FNTB: variants seen among roughly 807,000 people sequenced by gnomAD.
FNTB encodes protein farnesyltransferase subunit beta.
FNTB carries 27 observed loss-of-function variants against 59.4 expected under a neutral mutation model. The observed-to-expected ratio is 0.45, with a 90% CI of 0.34 to 0.63. The LOEUF (loss-of-function observed/expected upper bound fraction) is 0.63. Ranked by LOEUF, FNTB falls within the 20% of genes least tolerant of loss-of-function variation. The probability of loss-of-function intolerance (pLI) is 0.02; values close to 1 mark genes in which losing one functional copy is unlikely to be tolerated. For missense variants in FNTB, 449 were observed against 559.6 expected, an observed-to-expected ratio of 0.80 and a Z score of 1.99; for synonymous variants, 230 against 220.7, an observed-to-expected ratio of 1.04 and a Z score of -0.37.
In FNTB at chr14:64,991,183, G is replaced by A. The variant is rs1370999220; in HGVS notation, c.144+4086G>A. 2.0e-5 allele frequency among the ~76,000 whole-genome samples: 3 copies of A among 151,626 alleles called. No individual in the cohort carries two copies. Among genetic ancestry groups the A allele is most frequent in the African/African-American group, 4.9e-5 (2 of 40,896 alleles). On this transcript the variant is annotated intron_variant, in intron 1 of 11. Coordinates refer to ENST00000246166, the MANE Select transcript of FNTB (RefSeq NM_002028.4). This position sits in a 1 kb window ranked among gnomAD's most constrained non-coding sequence, Gnocchi z 4.4. ...CGCGTCCTCCACTTTAAATGGCATGGTGTCATTGAACCATTGGCATGGTTC... is the reference window on the plus strand; with the variant it reads ...CGCGTCCTCCACTTTAAATGGCATGATGTCATTGAACCATTGGCATGGTTC...
chr14:65,042,612 G>C (rs1379427538), intron 8 of FNTB, among the ~76,000 whole-genome samples: 1 of 152,226 alleles, frequency 6.6e-6, no homozygotes, highest in Non-Finnish European at 1.5e-5. Flanking sequence ...ATGGTCTGGG[G>C]GTTAGGGACC....
In FNTB at chr14:65,045,180, T is replaced by C. The variant is rs187346784; in HGVS notation, c.955+737T>C. Among the ~76,000 whole-genome samples, 264 of 152,216 alleles carry C rather than the reference T, an allele frequency of 1.7e-3. 2 individuals carry two copies. Among genetic ancestry groups the C allele is most frequent in the African/African-American group, 6.1e-3 (255 of 41,550 alleles). On this transcript the variant is annotated intron_variant, in intron 9 of 11. Coordinates refer to ENST00000246166, the MANE Select transcript of FNTB (RefSeq NM_002028.4). ...TGCCTGCTAACTCCTGCACCATCTT[T>C]CTGGTGTACTTGATGTGAGAGCAGG...
chr14:65,005,350 C>T (rs1419351997), intron 2 of FNTB, among the ~76,000 whole-genome samples: 2 of 151,928 alleles, frequency 1.3e-5, no homozygotes, highest in East Asian at 1.9e-4. Context: ...TTTTTTGAAA[C>T]CATTATTTGT....
chr14:65,055,572 A>C (rs2062716693), intron 11 of FNTB, among the ~76,000 whole-genome samples: 2 of 151,824 alleles, frequency 1.3e-5, no homozygotes, highest in Admixed American at 1.3e-4. Flanking sequence ...GCTGGAGTAC[A>C]GTGGCATGAT....
At chr14:65,043,303 G>A (rs972318420) in intron 8 of FNTB, among the ~76,000 whole-genome samples, 9 of 152,332 alleles carry the variant, frequency 5.9e-5, no homozygotes, top group Middle Eastern at 3.4e-3. Flanking sequence ...AGCAAGGAAT[G>A]GTGGTATCGT....
At chr14:65,058,059 G>A (rs1044572707) in intron 11 of FNTB, among the ~76,000 whole-genome samples, 6 of 151,706 alleles carry the variant, frequency 4.0e-5, no homozygotes, top group Non-Finnish European at 7.4e-5. Flanking sequence ...AAGTTCTAAT[G>A]GGATTTTTAT....
At chr14:65,037,749 T>TTTATTTATTTATTTA (rs2139610984) in intron 7 of FNTB, among the ~76,000 whole-genome samples, 2 of 56,550 alleles carry the variant, frequency 3.5e-5, no homozygotes, top group African/African-American at 1.5e-4. Context: ...TTATTATTTA[T>TTTATTTATTTATTTA]TTATTTATTT....
At position 64,991,216 on chromosome 14, in the gene FNTB, A is replaced by G. The variant is rs185202893; in HGVS notation, c.144+4119A>G. On this transcript the variant is annotated intron_variant, in intron 1 of 11. Transcript: ENST00000246166. This position sits in a 1 kb window ranked among gnomAD's most constrained non-coding sequence, Gnocchi z 4.4. Reference sequence around the variant, plus strand: ...GAACCATTGGCATGGTTCATTGTCAATGAAGTGACTTGAACTCTGAGGGGA... The same window carrying G: ...GAACCATTGGCATGGTTCATTGTCAGTGAAGTGACTTGAACTCTGAGGGGA... 2.7e-4 allele frequency among the ~76,000 whole-genome samples: 41 copies of G among 152,320 alleles called. 1 individual carries two copies. Among genetic ancestry groups the G allele is most frequent in the Middle Eastern group, 3.4e-3 (1 of 294 alleles).
At chr14:65,060,162 A>G (rs920148842) in intron 11 of FNTB, among the ~76,000 whole-genome samples, 5 of 152,018 alleles carry the variant, frequency 3.3e-5, no homozygotes, top group Admixed American at 2.6e-4. Flanking sequence ...ATGTAAATAC[A>G]TGTTTATTGT....
At position 65,001,439 on chromosome 14, in the gene FNTB, C is replaced by T. The variant is rs901117169; in HGVS notation, c.145-2810C>T. Among the ~76,000 whole-genome samples the T allele has an allele frequency of 2.6e-5, 4 of 152,100 alleles. No individual in the cohort carries two copies. The highest frequency in any genetic ancestry group is 4.8e-5 in the African/African-American group (2 of 41,392). Reference sequence around the variant, plus strand: ...TATGCGTGTGGTAGGCTATACCACCCAGGTTGGTGTGAGTATACTCTGATG... The same window carrying T: ...TATGCGTGTGGTAGGCTATACCACCTAGGTTGGTGTGAGTATACTCTGATG... On this transcript the variant is annotated intron_variant, in intron 1 of 11. Transcript: ENST00000246166. This position sits in a 1 kb window ranked among gnomAD's most constrained non-coding sequence, Gnocchi z 5.5.
At chr14:64,996,123 CAAAAA>C (rs60137057) in intron 1 of FNTB, among the ~76,000 whole-genome samples, 1 of 82,528 alleles carries the variant, frequency 1.2e-5, no homozygotes, top group Non-Finnish European at 2.5e-5. Flanking sequence ...AACTCTGTCT[CAAAAA>C]AAAAAAAAAA....
At chr14:65,038,973 A>T (rs1330599078) in intron 7 of FNTB, among the ~76,000 whole-genome samples, 1 of 152,168 alleles carries the variant, frequency 6.6e-6, no homozygotes, top group Non-Finnish European at 1.5e-5. Flanking sequence ...TTATCTAAAG[A>T]TACAACTTTA....
At chr14:65,056,381 CAT>C (rs2062737671) in intron 11 of FNTB, among the ~76,000 whole-genome samples, 1 of 152,154 alleles carries the variant, frequency 6.6e-6, no homozygotes, top group African/African-American at 2.4e-5. Context: ...ATTGGGTTCA[CAT>C]GTTAGAATGT....
At chr14:65,022,284 G>GTT (rs34044534) in intron 4 of FNTB, among the ~76,000 whole-genome samples, 79 of 144,030 alleles carry the variant, frequency 5.5e-4, no homozygotes, top group Middle Eastern at 3.6e-3. Flanking sequence ...CTTTTTTTCT[G>GTT]TTTTTTTTTT....
chr14:64,990,882 A>T lies in FNTB; in HGVS notation c.144+3785A>T, dbSNP rs1046567470. On this transcript the variant is annotated intron_variant, in intron 1 of 11. Transcript: ENST00000246166. This position sits in a 1 kb window ranked among gnomAD's most constrained non-coding sequence, Gnocchi z 5.2. ...GTAGTGGAGGTAATGAGAAATGGTC[A>T]GCTCTGGATATTTTTATGAAGGTCT... Among the ~76,000 whole-genome samples the T allele has an allele frequency of 6.6e-6, 1 of 152,178 alleles. No individual in the cohort carries two copies. The highest frequency in any genetic ancestry group is 1.5e-5 in the Non-Finnish European group (1 of 68,042).
rs140552023 is a variant in FNTB at position 65,010,681 on chromosome 14, A to G, written c.210-1636A>G. ...TTCTTTCCTCATCTCAAAAACCTTC[A>G]GGACTTCCCTTTGCCTAGTAAATTG... On this transcript the variant is annotated intron_variant, in intron 2 of 11. Transcript: ENST00000246166. Among the ~76,000 whole-genome samples the G allele has an allele frequency of 3.5e-3, 531 of 152,272 alleles. 4 individuals carry two copies. The highest frequency in any genetic ancestry group is 0.012 in the African/African-American group (507 of 41,546).
At chr14:65,022,569 A>T (rs917966309) in intron 4 of FNTB, among the ~76,000 whole-genome samples, 1 of 151,876 alleles carries the variant, frequency 6.6e-6, no homozygotes, top group Non-Finnish European at 1.5e-5. Context: ...GTCTCGCTGT[A>T]TTGCCTAAGC....
At chr14:65,053,212 C>T in intron 9 of FNTB, 26 bp from the exon 10 acceptor site, 2 of 1,352,024 alleles carry the variant, frequency 1.5e-6, no homozygotes, top group Non-Finnish European at 1.9e-6. Context: ...CTGCCGGGCC[C>T]TTACTGACCC....
At chr14:65,045,373 T>G in intron 9 of FNTB, among the ~76,000 whole-genome samples, 2 of 151,724 alleles carry the variant, frequency 1.3e-5, no homozygotes, top group Admixed American at 6.6e-5. Context: ...CCCCTCCCCA[T>G]ACTTTTTTTT....
Sources: gnomAD v4.1 joint callset for allele counts (sites outside exome capture counted in the v4.1 genomes callset) on GRCh38, gnomAD v4.1.1 for gene constraint, Gnocchi (gnomAD v3.1) non-coding constraint, MANE v1.5 for transcripts, NCBI Gene and HGNC (gene_info 2026-07-23, HGNC 2026-07-21) for gene names.